Variants in KIAA2012 observed in about 807,000 individuals in gnomAD.
The protein encoded by KIAA2012 is uncharacterized protein KIAA2012.
A neutral mutation model predicts 150.6 loss-of-function variants in KIAA2012; 125 were observed. That is an observed-to-expected ratio of 0.83 (90% CI 0.72 to 0.96). KIAA2012 has a LOEUF of 0.96. Among genes scored for constraint, KIAA2012 ranks in the 40% least tolerant of loss-of-function variants. The probability of loss-of-function intolerance (pLI) is 0.00; values close to 1 mark genes in which losing one functional copy is unlikely to be tolerated. For synonymous variants in KIAA2012, 462 were observed against 504.7 expected (o/e 0.92, Z 1.13); for missense variants, 1,219 against 1,354.9 (o/e 0.90, Z 1.57).
chr2:202,097,829 A>G (rs1024919699), intron 5 of KIAA2012, among the ~76,000 whole-genome samples: 1 of 152,024 alleles, frequency 6.6e-6, no homozygotes, highest in African/African-American at 2.4e-5. Context: ...AGCTCGGGCA[A>G]TCTGCTGGCT....
Position 202,099,872 on chromosome 2 carries a change from T to C in KIAA2012, c.1012+76T>C, listed in dbSNP as rs115139575. On this transcript the variant is annotated intron_variant, in intron 6 of 23. Coordinates refer to ENST00000498697, the MANE Select transcript of KIAA2012 (RefSeq NM_001277372.4). The stretch of plus-strand genomic sequence containing the variant: ...GAGTTCATTTAAGGACACTGAGGCA[T>C]GCCAAACATCACTTCCTTGCGCCAC... 3.2e-6 allele frequency: 4 copies of C among 1,251,136 alleles called. No homozygotes were observed. In the East Asian group the frequency reaches 7.7e-5, roughly 24 times the overall value. 77.5% of individuals were successfully genotyped at this position (1,251,136 alleles called of 1,614,324 possible).
intron 13 of KIAA2012, among the ~76,000 whole-genome samples, chr2:202,150,510 G>A (rs901530085): frequency 1.2e-4 from 18 of 151,658 alleles, no homozygotes; most frequent in Non-Finnish European, 2.7e-4. Flanking sequence ...GTGCAGTGGC[G>A]CGATCTCCGC....
chr2:202,149,133 C>T (rs1314761263), intron 13 of KIAA2012, among the ~76,000 whole-genome samples: 2 of 152,126 alleles, frequency 1.3e-5, no homozygotes, highest in African/African-American at 2.4e-5. Context: ...GCTCAGAATC[C>T]CAGCCCTCCT....
At chr2:202,091,650 T>C (rs1689726820) in intron 3 of KIAA2012, among the ~76,000 whole-genome samples, 1 of 152,222 alleles carries the variant, frequency 6.6e-6, no homozygotes, top group South Asian at 2.1e-4. Context: ...ATCTTCGGGA[T>C]GTACTTCTAC....
intron 11 of KIAA2012, chr2:202,116,255 A>C (rs1403931718): frequency 6.6e-6 from 1 of 152,126 alleles, no homozygotes; most frequent in African/African-American, 2.4e-5. Flanking sequence ...GTTTCTGTTT[A>C]GTATTTGTTC....
chr2:202,193,635 T>C, intron 20 of KIAA2012, 132 bp downstream of exon 20: 7 of 878,068 alleles, frequency 8.0e-6, no homozygotes, highest in Non-Finnish European at 1.7e-6. Flanking sequence ...TGTGTCATTT[T>C]TCTCTATCCT....
rs534757902 is a variant in KIAA2012, at chr2:202,162,909, A to G, written c.2047-2375A>G. 7.9e-5 allele frequency among the ~76,000 whole-genome samples: 11 copies of G among 139,746 alleles called. 1 individual carries two copies. Among genetic ancestry groups the G allele is most frequent in the Non-Finnish European group, 1.7e-4 (11 of 65,060 alleles). 91.7% of individuals were successfully genotyped at this position (139,746 alleles called of 152,430 possible). A position where few individuals can be genotyped will look rare whatever the true frequency, so the allele number is the denominator to read the frequency against. ...CGCACCACTGCACTCCAGCCTGGCA[A>G]CAGAGCGAGACTCCGTCTCAAAAAA... is the stretch of plus-strand genomic sequence containing the variant. On this transcript the variant is annotated intron_variant, in intron 14 of 23. Transcript: ENST00000498697.
intron 10 of KIAA2012, among the ~76,000 whole-genome samples, chr2:202,110,778 G>A (rs58321030): frequency 0.056 from 8,568 of 152,152 alleles, 571 homozygotes; most frequent in East Asian, 0.31. Flanking sequence ...CTTGCTCTCT[G>A]TCTCCCCCAC....
At chr2:202,183,738 C>A (rs1692170757) in intron 15 of KIAA2012, among the ~76,000 whole-genome samples, 3 of 152,080 alleles carry the variant, frequency 2.0e-5, no homozygotes, top group African/African-American at 7.2e-5. Flanking sequence ...ACTCCCGACC[C>A]CAGGTGATCT....
At chr2:202,113,597 T>A (rs1184844195) in intron 11 of KIAA2012, 151 bp downstream of exon 11, 2 of 601,390 alleles carry the variant, frequency 3.3e-6, no homozygotes, top group South Asian at 4.1e-5. Context: ...ACAGAGGTGC[T>A]TCTGTAGCTC....
intron 2 of KIAA2012, among the ~76,000 whole-genome samples, chr2:202,078,968 G>T (rs1689384142): frequency 6.6e-6 from 1 of 152,120 alleles, no homozygotes; most frequent in Non-Finnish European, 1.5e-5. Flanking sequence ...GGCCAAGGCA[G>T]GTAGATCATC....
At chr2:202,096,638 T>C (rs1689891629) in intron 4 of KIAA2012, among the ~76,000 whole-genome samples, 1 of 152,136 alleles carries the variant, frequency 6.6e-6, no homozygotes, top group Non-Finnish European at 1.5e-5. Context: ...TTGTGATCCA[T>C]CACACACAGG....
intron 7 of KIAA2012, 127 bp from the exon 8 acceptor site, chr2:202,102,819 T>C: frequency 1.1e-6 from 1 of 887,516 alleles, no homozygotes; most frequent in Non-Finnish European, 1.7e-6. Flanking sequence ...GGCTCCCAGC[T>C]GGATTAGCTT....
At chr2:202,133,052 C>T (rs544342601) in intron 12 of KIAA2012, among the ~76,000 whole-genome samples, 268 of 137,968 alleles carry the variant, frequency 1.9e-3, no homozygotes, top group Non-Finnish European at 3.7e-3. Flanking sequence ...TTGCAGTGAG[C>T]CAAGATCGTG....
At chr2:202,140,118 C>G (rs773706589) in intron 13 of KIAA2012, among the ~76,000 whole-genome samples, 1 of 152,124 alleles carries the variant, frequency 6.6e-6, no homozygotes, top group Non-Finnish European at 1.5e-5. Context: ...ATCCCAGCTA[C>G]TCGGGAGGCT....
At chr2:202,198,527 CA>C (rs1692453543) in intron 22 of KIAA2012, among the ~76,000 whole-genome samples, 1 of 152,182 alleles carries the variant, frequency 6.6e-6, no homozygotes, top group Non-Finnish European at 1.5e-5. Flanking sequence ...TATCCAGGGC[CA>C]GGGGAATTTT....
intron 21 of KIAA2012, among the ~76,000 whole-genome samples, chr2:202,194,899 G>A (rs192363808): frequency 2.3e-3 from 354 of 152,034 alleles, no homozygotes; most frequent in Non-Finnish European, 8.7e-4. Flanking sequence ...CTTCCAAGTA[G>A]CTGGGATTAC....
chr2:202,140,018 A>G (rs557692093), intron 13 of KIAA2012, among the ~76,000 whole-genome samples: 2 of 152,296 alleles, frequency 1.3e-5, no homozygotes, highest in East Asian at 3.9e-4. Flanking sequence ...TCACGAGGTC[A>G]GGAGTTCAAG....
At chr2:202,195,006 G>T (rs1692389929) in intron 21 of KIAA2012, among the ~76,000 whole-genome samples, 1 of 151,866 alleles carries the variant, frequency 6.6e-6, no homozygotes, top group African/African-American at 2.4e-5. Context: ...CTGACGTCAT[G>T]ATCTGCCTGC....
Sources: gnomAD v4.1 joint callset for allele counts (sites outside exome capture counted in the v4.1 genomes callset) on GRCh38, gnomAD v4.1.1 for gene constraint, MANE v1.5 for transcripts, NCBI Gene and HGNC (gene_info 2026-07-23, HGNC 2026-07-21) for gene names.